The following CXCL17 variants were observed in gnomAD, a reference collection of about 807,000 sequenced individuals.
The protein encoded by CXCL17 is C-X-C motif chemokine 17.
Under a neutral mutation model 15.5 loss-of-function variants are expected in CXCL17, and 9 were observed. The observed-to-expected ratio is 0.58, with a 90% CI of 0.35 to 1.01. The LOEUF (loss-of-function observed/expected upper bound fraction) is 1.01. CXCL17 is among the 50% of genes least tolerant of loss of function. The pLI is 0.02. For synonymous variants in CXCL17, 52 were observed against 52.3 expected (o/e 0.99, Z 0.02); for missense variants, 133 against 138.2 (o/e 0.96, Z 0.19).
chr19:42,439,368 A>G (rs1324702975), intron 1 of CXCL17, among the ~76,000 whole-genome samples: 2 of 152,280 alleles, frequency 1.3e-5, no homozygotes, highest in East Asian at 1.9e-4. Context: ...TATTTGGCCA[A>G]CACCACAGTA....
chr19:42,429,975 C>G (rs570201153), intron 3 of CXCL17, among the ~76,000 whole-genome samples: 1 of 152,080 alleles, frequency 6.6e-6, no homozygotes, highest in Non-Finnish European at 1.5e-5. Flanking sequence ...AAAGACCAGC[C>G]TGAGCAACAT....
chr19:42,441,879 A>T (rs1304554268), intron 1 of CXCL17, among the ~76,000 whole-genome samples: 1 of 152,232 alleles, frequency 6.6e-6, no homozygotes, highest in African/African-American at 2.4e-5. Context: ...GAGCTGTTAC[A>T]GCAGGGCTTG....
intron 1 of CXCL17, among the ~76,000 whole-genome samples, chr19:42,435,431 C>T (rs550077642): frequency 2.4e-4 from 37 of 152,222 alleles, no homozygotes; most frequent in African/African-American, 7.9e-4. Context: ...ATCCATAACC[C>T]CCAGTACCTC....
At chr19:42,432,141 GTTTTTT>G (rs370344388) in intron 3 of CXCL17, among the ~76,000 whole-genome samples, 2 of 108,614 alleles carry the variant, frequency 1.8e-5, no homozygotes, top group Admixed American at 1.1e-4. Context: ...TGCCAATTTA[GTTTTTT>G]TTTTTTTTTT....
intron 1 of CXCL17, among the ~76,000 whole-genome samples, chr19:42,440,703 G>C (rs890418191): frequency 6.6e-6 from 1 of 152,158 alleles, no homozygotes; most frequent in African/African-American, 2.4e-5. Flanking sequence ...AAAGTGAGGC[G>C]ACTTGTCTAG....
intron 1 of CXCL17, among the ~76,000 whole-genome samples, chr19:42,438,405 T>C (rs905866167): frequency 3.0e-5 from 2 of 66,878 alleles, no homozygotes; most frequent in Non-Finnish European, 5.6e-5. Context: ...TATATATATA[T>C]AAAATACACA....
intron 1 of CXCL17, among the ~76,000 whole-genome samples, chr19:42,434,735 A>G (rs1199067695): frequency 6.6e-6 from 1 of 152,100 alleles, no homozygotes; most frequent in Non-Finnish European, 1.5e-5. Flanking sequence ...CACCCCAAGT[A>G]GCTGTATTTG....
chr19:42,440,764 G>A (rs1283133922), intron 1 of CXCL17, among the ~76,000 whole-genome samples: 1 of 152,200 alleles, frequency 6.6e-6, no homozygotes, highest in African/African-American at 2.4e-5. Context: ...TGACTTCCAA[G>A]CTGAGTGTAA....
chr19:42,436,837 A>G (rs911583353), intron 1 of CXCL17, among the ~76,000 whole-genome samples: 3 of 152,148 alleles, frequency 2.0e-5, no homozygotes, highest in East Asian at 1.9e-4. Flanking sequence ...ATTTTAGATT[A>G]TTTTCTTGAG....
chr19:42,440,492 G>C (rs1442342651), intron 1 of CXCL17, among the ~76,000 whole-genome samples: 2 of 152,154 alleles, frequency 1.3e-5, no homozygotes, highest in Non-Finnish European at 2.9e-5. Flanking sequence ...CCACCCACTC[G>C]ACGTGGTTTG....
intron 1 of CXCL17, among the ~76,000 whole-genome samples, chr19:42,441,006 C>T (rs1263975555): frequency 3.3e-5 from 5 of 152,196 alleles, no homozygotes; most frequent in South Asian, 2.1e-4. Flanking sequence ...CAGCCCCCAC[C>T]GCAAGGAACT....
At chr19:42,434,092 C>T (rs1156284267) in intron 1 of CXCL17, among the ~76,000 whole-genome samples, 1 of 152,122 alleles carries the variant, frequency 6.6e-6, no homozygotes, top group Non-Finnish European at 1.5e-5. Context: ...CCTTGGCCTC[C>T]CAAAGTGCTA....
chr19:42,434,979 A>G (rs1600160981), intron 1 of CXCL17, among the ~76,000 whole-genome samples: 1 of 151,770 alleles, frequency 6.6e-6, no homozygotes, highest in Admixed American at 6.6e-5. Context: ...GGAGGTCAAG[A>G]CCATCCTGGC....
rs986987297 is a variant in CXCL17, at chr19:42,428,692, G to A, written c.*192C>T. 3.3e-6 allele frequency: 2 copies of A among 597,632 alleles called. No homozygotes were observed. Among genetic ancestry groups the A allele is most frequent in the Non-Finnish European group, 3.0e-6 (1 of 333,484 alleles). The allele number at this position is 597,632 out of a possible 1,614,324, so 37.0% of individuals were successfully genotyped here. On this transcript the variant is annotated 3_prime_UTR_variant, in exon 4 of 4. Coordinates refer to ENST00000601181, the MANE Select transcript of CXCL17 (RefSeq NM_198477.3). ...TAAGGGGAGGGCACAGGCTAAGACT[G>A]ACGAGAGAAGAAGACACTAGAGAGA...
rs779857261 is a variant in CXCL17, at chr19:42,433,059, G to C, written c.179C>G (p.Pro60Arg). ...CECKDWFLRA[P>R]RRKFMTVSGL... The stretch of plus-strand genomic sequence containing the variant: ...AGACACTGTCATGAATTTTCTTCTC[G>C]GGGCTCTCAGGAACCAATCTGGAAC... Residue 60 changes from proline (P) to arginine (R), a missense_variant, in exon 3 of 4, where the codon CCG (proline) becomes CGG (arginine). Coordinates refer to ENST00000601181, the MANE Select transcript of CXCL17 (RefSeq NM_198477.3). The C allele has an allele frequency of 6.2e-7, 1 of 1,613,592 alleles. No homozygotes were observed. The highest frequency in any genetic ancestry group is 8.5e-7 in the Non-Finnish European group (1 of 1,179,750).
At chr19:42,439,885 G>C (rs528610556) in intron 1 of CXCL17, among the ~76,000 whole-genome samples, 10 of 152,154 alleles carry the variant, frequency 6.6e-5, no homozygotes, top group Non-Finnish European at 1.2e-4. Flanking sequence ...ATTGGAGTCT[G>C]GAGCAGAAAA....
At chr19:42,432,179 C>G (rs1012214258) in intron 3 of CXCL17, among the ~76,000 whole-genome samples, 6 of 125,524 alleles carry the variant, frequency 4.8e-5, no homozygotes, top group African/African-American at 1.3e-4. Flanking sequence ...GAGTCTCACT[C>G]TGTCGCCCAG....
chr19:42,438,875 A>G (rs1299559872), intron 1 of CXCL17, among the ~76,000 whole-genome samples: 1 of 152,204 alleles, frequency 6.6e-6, no homozygotes, highest in Non-Finnish European at 1.5e-5. Flanking sequence ...TATGAGCAAC[A>G]TAATAAATAA....
At position 42,438,481 on chromosome 19, in the gene CXCL17, CTT is replaced by C. The variant is rs570641649; in HGVS notation, c.79+4271_79+4272del. ...TGACGTGAATGTGGTCTCTCTCTCT[CTT>C]TGTCTCTTTCTCAAGATAACAATAT... On this transcript the variant is annotated intron_variant, in intron 1 of 3. Transcript: ENST00000601181. 4.1e-5 allele frequency among the ~76,000 whole-genome samples: 6 copies of C among 147,340 alleles called. No individual in the cohort carries two copies. The South Asian group carries it at 1.3e-3, about 32-fold the overall frequency.
Sources: allele counts gnomAD v4.1 joint callset (sites outside exome capture counted in the v4.1 genomes callset), GRCh38; gene constraint gnomAD v4.1.1; transcripts MANE v1.5; gene names NCBI Gene and HGNC (gene_info 2026-07-23, HGNC 2026-07-21).